NCKAP5: variants seen among roughly 807,000 people sequenced by gnomAD.
NCKAP5 encodes the protein nck-associated protein 5.
NCKAP5 carries 92 observed loss-of-function variants against 167.0 expected under a neutral mutation model. The ratio of observed to expected loss-of-function variants is 0.55; its 90% confidence interval spans 0.47 to 0.66. NCKAP5 has a LOEUF of 0.66. NCKAP5 is among the 30% of genes least tolerant of loss of function. NCKAP5 has a pLI of 0.00. For synonymous variants in NCKAP5, 891 were observed against 877.4 expected (o/e 1.02, Z -0.27); for missense variants, 2,378 against 2,315.0 (o/e 1.03, Z -0.56).
intron 2 of NCKAP5, among the ~76,000 whole-genome samples, chr2:133,538,931 GTTT>G (rs71412735): frequency 0.039 from 4,239 of 108,538 alleles, 184 homozygotes; most frequent in African/African-American, 0.099. Flanking sequence ...GTTTTTTTGG[GTTT>G]TTTTTTTTTT....
chr2:132,903,173 C>T (rs964923564), intron 8 of NCKAP5, among the ~76,000 whole-genome samples: 3 of 152,122 alleles, frequency 2.0e-5, no homozygotes, highest in Non-Finnish European at 4.4e-5. Flanking sequence ...GCTGCAGCTC[C>T]CACCCCCCTT....
At position 132,689,048 on chromosome 2, in the gene NCKAP5, G is replaced by A. The variant is rs375249667; in HGVS notation, c.5714-15743C>T. Among the ~76,000 whole-genome samples the A allele has an allele frequency of 1.5e-3, 221 of 148,230 alleles. 1 individual carries two copies. The highest frequency in any genetic ancestry group is 5.4e-3 in the African/African-American group (217 of 40,380). On this transcript the variant is annotated intron_variant, in intron 19 of 19. Coordinates refer to ENST00000409261, the MANE Select transcript of NCKAP5 (RefSeq NM_207363.3). ...TTCTCTACTCTACTTCTCCTACTTT[G>A]GTTGAACTCCCTACCCAGAATGGAA...
intron 5 of NCKAP5, among the ~76,000 whole-genome samples, chr2:133,178,781 C>T (rs937984384): frequency 3.6e-5 from 5 of 137,518 alleles, no homozygotes; most frequent in South Asian, 2.4e-4. Flanking sequence ...GCCGAGATAG[C>T]GCCACTGCAC....
At chr2:133,208,576 C>T (rs911265683) in intron 5 of NCKAP5, among the ~76,000 whole-genome samples, 1 of 152,050 alleles carries the variant, frequency 6.6e-6, no homozygotes, top group South Asian at 2.1e-4. Context: ...CCAAGAGAAG[C>T]TTTAGGAGTA....
In NCKAP5 at chr2:133,402,401, G is replaced by A. The variant is rs186727076; in HGVS notation, c.70-99291C>T. Among the ~76,000 whole-genome samples, 1,389 of 152,258 alleles carry A rather than the reference G, an allele frequency of 9.1e-3. 8 individuals are homozygous for A. The highest frequency in any genetic ancestry group is 0.015 in the Non-Finnish European group (1,022 of 68,004). ...CTTACTTTCCTTTAGATTGTAGGGA[G>A]GGGAGAGTTACAGATAAGAGATAGA... On this transcript the variant is annotated intron_variant, in intron 3 of 19. Transcript: ENST00000409261.
At chr2:133,145,709 G>A (rs796783864) in intron 5 of NCKAP5, among the ~76,000 whole-genome samples, 7 of 152,038 alleles carry the variant, frequency 4.6e-5, no homozygotes, top group African/African-American at 1.2e-4. Flanking sequence ...AACTTCAGAC[G>A]TCCTTTTGTC....
chr2:132,785,111 C>G lies in NCKAP5; in HGVS notation c.1700G>C (p.Gly567Ala). ...GAGAGCCATGCGGCCATGGCCTTGGCCCTGTGGGCCCCTCTCCCTCTGTAC... is the reference window on the plus strand; with the variant it reads ...GAGAGCCATGCGGCCATGGCCTTGGGCCTGTGGGCCCCTCTCCCTCTGTAC... ...PQVQRERGPQGQGHGRMALNL... is the reference protein window; with the variant it reads ...PQVQRERGPQAQGHGRMALNL... The change falls in exon 14 of 20, where the codon GGC (glycine) becomes GCC (alanine). Residue 567 changes from glycine to alanine, a missense_variant. By Grantham distance (60) the Gly-to-Ala change is moderately conservative. Coordinates refer to ENST00000409261, the MANE Select transcript of NCKAP5 (RefSeq NM_207363.3). 1 of 1,613,872 alleles carries G rather than the reference C, an allele frequency of 6.2e-7. No homozygotes were observed. The highest frequency in any genetic ancestry group is 8.5e-7 in the Non-Finnish European group (1 of 1,179,802).
chr2:132,954,662 TA>T (rs1405807948), intron 8 of NCKAP5: 1 of 454,058 alleles, frequency 2.2e-6, no homozygotes, highest in Admixed American at 2.4e-5. Flanking sequence ...TACTTAACTG[TA>T]TACAGTGATA....
intron 19 of NCKAP5, among the ~76,000 whole-genome samples, chr2:132,692,798 A>T (rs1686896481): frequency 6.6e-6 from 1 of 152,000 alleles, no homozygotes; most frequent in East Asian, 1.9e-4. Flanking sequence ...CTAAGTTAAT[A>T]AAGTTGACTG....
At chr2:133,457,091 A>G (rs1017397146) in intron 3 of NCKAP5, among the ~76,000 whole-genome samples, 62 of 152,184 alleles carry the variant, frequency 4.1e-4, no homozygotes, top group Admixed American at 3.9e-3. Flanking sequence ...TTTCATACAA[A>G]AAGGGGACTT....
intron 3 of NCKAP5, among the ~76,000 whole-genome samples, chr2:133,353,468 A>C (rs1482115771): frequency 6.6e-6 from 1 of 152,142 alleles, no homozygotes; most frequent in East Asian, 1.9e-4. Context: ...ACTTCTCCTC[A>C]ATTTGATATA....
intron 6 of NCKAP5, among the ~76,000 whole-genome samples, chr2:133,047,244 T>A (rs994789646): frequency 2.6e-5 from 4 of 152,216 alleles, no homozygotes; most frequent in Non-Finnish European, 5.9e-5. Context: ...TTACAAACAA[T>A]GCTGTGTTAG....
In NCKAP5 at chr2:133,110,481, C is replaced by T. The variant is rs558780001; in HGVS notation, c.341+19497G>A. On this transcript the variant is annotated intron_variant, in intron 6 of 19. Coordinates refer to ENST00000409261, the MANE Select transcript of NCKAP5 (RefSeq NM_207363.3). ...CACTGGGGAGGAGGGAGAGTCAGGA[C>T]ATTCTAAGCTTTCATCAACCAGGAG... is the stretch of plus-strand genomic sequence containing the variant. 1.1e-3 allele frequency among the ~76,000 whole-genome samples: 165 copies of T among 152,246 alleles called. 1 individual carries two copies. Among genetic ancestry groups the T allele is most frequent in the African/African-American group, 3.9e-3 (161 of 41,552 alleles).
intron 8 of NCKAP5, among the ~76,000 whole-genome samples, chr2:132,890,575 C>T (rs960148700): frequency 5.9e-5 from 9 of 152,072 alleles, no homozygotes; most frequent in African/African-American, 1.9e-4. Context: ...AGTGGCTAAG[C>T]GTGCCAGCCA....
intron 19 of NCKAP5, among the ~76,000 whole-genome samples, chr2:132,674,328 G>A (rs1684149733): frequency 1.3e-5 from 2 of 152,178 alleles, no homozygotes; most frequent in African/African-American, 4.8e-5. Context: ...ATTTTAAAGA[G>A]AAGGTATGCA....
At chr2:133,428,216 A>G (rs1472668351) in intron 3 of NCKAP5, among the ~76,000 whole-genome samples, 1 of 152,158 alleles carries the variant, frequency 6.6e-6, no homozygotes, top group African/African-American at 2.4e-5. Context: ...ACTATCACCA[A>G]AACAGTAGCT....
intron 16 of NCKAP5, among the ~76,000 whole-genome samples, chr2:132,758,958 C>T (rs1680780007): frequency 6.6e-6 from 1 of 152,212 alleles, no homozygotes; most frequent in African/African-American, 2.4e-5. Flanking sequence ...ATGTGCTCCT[C>T]TCTGATTACA....
intron 8 of NCKAP5, among the ~76,000 whole-genome samples, chr2:132,948,433 A>T (rs1489437777): frequency 2.0e-5 from 3 of 151,862 alleles, no homozygotes; most frequent in Non-Finnish European, 2.9e-5. Flanking sequence ...TGCTTTAAGG[A>T]CTCCCTGAAG....
chr2:133,131,053 T>G (rs2082585949), intron 5 of NCKAP5, among the ~76,000 whole-genome samples: 1 of 152,224 alleles, frequency 6.6e-6, no homozygotes, highest in Non-Finnish European at 1.5e-5. Context: ...ACACTATGAC[T>G]GTGTACCATG....
Sources: gnomAD v4.1 joint callset for allele counts (sites outside exome capture counted in the v4.1 genomes callset) on GRCh38, gnomAD v4.1.1 for gene constraint, MANE v1.5 for transcripts, NCBI Gene and HGNC (gene_info 2026-07-23, HGNC 2026-07-21) for gene names.